The following DDX46 variants were observed in gnomAD, a reference collection of about 807,000 sequenced individuals.
DDX46 encodes probable ATP-dependent RNA helicase DDX46.
A neutral mutation model predicts 134.9 loss-of-function variants in DDX46; 30 were observed. That is an observed-to-expected ratio of 0.22 (90% CI 0.17 to 0.30). The LOEUF (loss-of-function observed/expected upper bound fraction) is 0.30, where lower values mean the gene tolerates loss of function less well. Ranked by LOEUF, DDX46 falls within the 10% of genes least tolerant of loss-of-function variation. The pLI, the probability that DDX46 is intolerant of heterozygous loss-of-function variation, is 1.00. For missense variants in DDX46, 622 were observed against 1,248.7 expected (o/e 0.50, Z 7.56); for synonymous variants, 415 against 404.1 (o/e 1.03, Z -0.32).
rs1166183488 is a variant in DDX46, at chr5:134,817,639, A to G, written c.2757A>G (p.Glu919=). 6.2e-7 allele frequency: 1 copy of G among 1,614,098 alleles called. No individual in the cohort carries two copies. The highest frequency in any genetic ancestry group is 1.3e-5 in the African/African-American group (1 of 74,942). ...ATGTGCCGTTAGAGAAACAAGAAGA[A>G]GAGAGACAGGATGGTGGACAGAATG... The part of the protein sequence containing the change: ...LNYVPLEKQE[E]ERQDGGQNES... Residue 919 remains glutamate (E), a synonymous_variant, in exon 20 of 23, where the codon GAA becomes GAG. Coordinates refer to ENST00000452510, the MANE Select transcript of DDX46 (RefSeq NM_001300860.2).
chr5:134,798,190 G>GT (rs1554151193), intron 15 of DDX46, among the ~76,000 whole-genome samples: 1 of 131,108 alleles, frequency 7.6e-6, no homozygotes, highest in East Asian at 2.3e-4. Flanking sequence ...TTTTTTTGTT[G>GT]TTGTTTGTTT....
At chr5:134,761,375 T>A (rs1753380604) in intron 1 of DDX46, among the ~76,000 whole-genome samples, 1 of 152,162 alleles carries the variant, frequency 6.6e-6, no homozygotes, top group South Asian at 2.1e-4. Context: ...AAAATATTGA[T>A]GATGACTAAT....
chr5:134,783,635 C>T (rs200937826), intron 9 of DDX46, among the ~76,000 whole-genome samples: 4 of 139,076 alleles, frequency 2.9e-5, no homozygotes, highest in African/African-American at 5.4e-5. Flanking sequence ...CTGCAACCTC[C>T]GCCTCTTGGG....
In DDX46 at chr5:134,758,824, C is replaced by G; in HGVS notation, c.-115C>G. 3.3e-6 allele frequency: 5 copies of G among 1,510,822 alleles called. No homozygotes were observed. Among genetic ancestry groups the G allele is most frequent in the Middle Eastern group, 1.8e-4 (1 of 5,582 alleles). 93.6% of individuals were successfully genotyped at this position (1,510,822 alleles called of 1,614,324 possible). A position where few individuals can be genotyped will look rare whatever the true frequency, so the allele number is the denominator to read the frequency against. ...GGGATGGCCGCCACAGCTGTAGGTG[C>G]TGCTAGTGTTTAGCGCTGGTCTTTG... On this transcript the variant is annotated 5_prime_UTR_variant, in exon 1 of 23. Coordinates refer to ENST00000452510, the MANE Select transcript of DDX46 (RefSeq NM_001300860.2).
At chr5:134,765,161 C>T (rs959727405) in intron 2 of DDX46, among the ~76,000 whole-genome samples, 5 of 150,954 alleles carry the variant, frequency 3.3e-5, no homozygotes, top group Admixed American at 6.6e-5. Context: ...CTCTGCCTCC[C>T]GGGTTCAAGT....
At chr5:134,818,638 G>T (rs1755351937) in intron 20 of DDX46, among the ~76,000 whole-genome samples, 1 of 151,478 alleles carries the variant, frequency 6.6e-6, no homozygotes, top group Non-Finnish European at 1.5e-5. Flanking sequence ...GGAGGCGGAG[G>T]TTGCGGTGAG....
chr5:134,778,486 T>C (rs1380791001), intron 6 of DDX46, among the ~76,000 whole-genome samples: 1 of 152,220 alleles, frequency 6.6e-6, no homozygotes, highest in Non-Finnish European at 1.5e-5. Context: ...GTGTTATTTG[T>C]TGATTTATTC....
At chr5:134,777,038 C>T (rs1753962551) in intron 5 of DDX46, among the ~76,000 whole-genome samples, 1 of 152,082 alleles carries the variant, frequency 6.6e-6, no homozygotes, top group Non-Finnish European at 1.5e-5. Flanking sequence ...TGGTGAAACC[C>T]CCTCTTTACT....
intron 22 of DDX46, among the ~76,000 whole-genome samples, chr5:134,828,447 G>T (rs1580826641): frequency 6.6e-6 from 1 of 152,248 alleles, no homozygotes; most frequent in Non-Finnish European, 1.5e-5. Flanking sequence ...AGTGAACAGA[G>T]AATTCATTAG....
Position 134,796,030 on chromosome 5 carries a change from C to A in DDX46, c.1834C>A (p.Leu612Ile). 1 of 1,613,708 alleles carries A rather than the reference C, an allele frequency of 6.2e-7. No individual in the cohort carries two copies. Among genetic ancestry groups the A allele is most frequent in the East Asian group, 2.2e-5 (1 of 44,818 alleles). Residue 612 changes from leucine (L) to isoleucine (I), a missense_variant, in exon 15 of 23, where the codon CTT (leucine) becomes ATT (isoleucine). Leu to Ile is a conservative substitution (Grantham distance 5). Around this residue, in one of 8 missense-constraint regions of DDX46, gnomAD observed 209 missense variants for 508.4 expected, o/e 0.41. Transcript: ENST00000452510. ...EEKKFLKLLE[L>I]LGHYQESGSV... ...AAAGAAATTCTTGAAGTTACTTGAG[C>A]TTCTAGGCCATTATCAAGAGTCAGG... is the stretch of plus-strand genomic sequence containing the variant.
chr5:134,821,131 G>A (rs1580821110), intron 21 of DDX46, among the ~76,000 whole-genome samples: 1 of 150,244 alleles, frequency 6.7e-6, no homozygotes, highest in East Asian at 2.0e-4. Context: ...TCCGCCTCCC[G>A]GGTTCACGCC....
intron 1 of DDX46, among the ~76,000 whole-genome samples, chr5:134,761,878 T>C (rs1308289941): frequency 6.6e-6 from 1 of 152,192 alleles, no homozygotes; most frequent in Non-Finnish European, 1.5e-5. Flanking sequence ...ATAGTGCTGG[T>C]CTTTGCTAAT....
intron 14 of DDX46, among the ~76,000 whole-genome samples, chr5:134,795,230 T>C (rs545173905): frequency 2.1e-3 from 320 of 150,962 alleles, no homozygotes; most frequent in Non-Finnish European, 2.8e-3. Flanking sequence ...GTTTTTTTTT[T>C]GCTGGGTGCA....
intron 4 of DDX46, among the ~76,000 whole-genome samples, chr5:134,772,330 T>A (rs1194009083): frequency 6.6e-6 from 1 of 152,076 alleles, no homozygotes; most frequent in Non-Finnish European, 1.5e-5. Context: ...GAGATCATCT[T>A]GGCCACCATG....
chr5:134,795,512 G>A (rs980825761), intron 14 of DDX46, among the ~76,000 whole-genome samples: 8 of 152,078 alleles, frequency 5.3e-5, no homozygotes, highest in South Asian at 2.1e-4. Context: ...AAAATAAAAC[G>A]TTGTTTTAGT....
intron 5 of DDX46, among the ~76,000 whole-genome samples, chr5:134,775,602 G>A (rs189283635): frequency 3.3e-5 from 5 of 152,150 alleles, no homozygotes; most frequent in African/African-American, 7.2e-5. Flanking sequence ...TAGTAGAGAC[G>A]AGGTTTCACC....
chr5:134,811,346 T>C lies in DDX46; in HGVS notation c.2274T>C (p.Asp758=). ...AGAAACTGTGGAGTGATTTCAAAGA[T>C]CAGCAGAAAGCTGTGAGTTTTTAAC... ...DLEKLWSDFK[D]QQKAEGKIIK... The change falls in exon 17 of 23, where the codon GAT becomes GAC. Residue 758 remains aspartate, a synonymous_variant. Transcript: ENST00000452510. 6.2e-7 allele frequency: 1 copy of C among 1,614,006 alleles called. No individual in the cohort carries two copies. Among genetic ancestry groups the C allele is most frequent in the South Asian group, 1.1e-5 (1 of 91,072 alleles).
intron 8 of DDX46, 44 bp downstream of exon 8, chr5:134,782,130 G>A: frequency 2.0e-6 from 3 of 1,514,326 alleles, no homozygotes; most frequent in Non-Finnish European, 1.8e-6. Context: ...GGGAACAGAA[G>A]AGGATACATT....
chr5:134,811,992 T>G, intron 18 of DDX46, 147 bp downstream of exon 18: 1 of 692,128 alleles, frequency 1.4e-6, no homozygotes, highest in Admixed American at 3.5e-5. Flanking sequence ...ATCTGCCTAC[T>G]ACATACCAGT....
Sources: gnomAD v4.1 joint callset for allele counts (sites outside exome capture counted in the v4.1 genomes callset) on GRCh38, gnomAD v4.1.1 for gene constraint, gnomAD v4.1.1 regional missense constraint, MANE v1.5 for transcripts, NCBI Gene and HGNC (gene_info 2026-07-23, HGNC 2026-07-21) for gene names.